Variants in SYT1 observed in about 807,000 individuals in gnomAD.
SYT1 encodes synaptotagmin-1.
SYT1 carries 8 observed loss-of-function variants against 44.8 expected under a neutral mutation model. The ratio of observed to expected loss-of-function variants is 0.18; its 90% CI spans 0.10 to 0.32. SYT1 has a LOEUF of 0.32. Among genes scored for constraint, SYT1 ranks in the 10% least tolerant of loss-of-function variants. SYT1 has a pLI of 1.00. For missense variants in SYT1, 286 were observed against 509.3 expected (o/e 0.56, Z 4.22); for synonymous variants, 154 against 188.8 (o/e 0.82, Z 1.51).
At chr12:79,064,967 A>AGAAAGAAAGAAG (rs1875697279) in intron 3 of SYT1, among the ~76,000 whole-genome samples, 4 of 150,950 alleles carry the variant, frequency 2.6e-5, no homozygotes, top group East Asian at 1.9e-4. Context: ...AAAGAAAGAA[A>AGAAAGAAAGAAG]GAAAGAAAGA....
At chr12:78,947,906 A>G (rs182696701) in intron 1 of SYT1, among the ~76,000 whole-genome samples, 1 of 152,042 alleles carries the variant, frequency 6.6e-6, no homozygotes, top group East Asian at 1.9e-4. Context: ...TTTAATAAAT[A>G]TTTTATTTTA....
chr12:78,907,925 C>A (rs1469495004), intron 1 of SYT1, among the ~76,000 whole-genome samples: 1 of 151,888 alleles, frequency 6.6e-6, no homozygotes, highest in Admixed American at 6.6e-5. Flanking sequence ...AATTTAATTA[C>A]CTCTCAGGTA....
At chr12:79,043,703 T>A (rs1193772015) in intron 2 of SYT1, among the ~76,000 whole-genome samples, 1 of 152,202 alleles carries the variant, frequency 6.6e-6, no homozygotes, top group African/African-American at 2.4e-5. Context: ...GGTTAGTCGA[T>A]GCAGTTTCTT....
At chr12:78,911,008 G>T (rs1017769869) in intron 1 of SYT1, among the ~76,000 whole-genome samples, 2 of 151,978 alleles carry the variant, frequency 1.3e-5, no homozygotes, top group African/African-American at 4.8e-5. Flanking sequence ...TTTAGATTAT[G>T]GTGAGATTTT....
rs73355508 is a variant in SYT1, at chr12:79,098,567, G to A, written c.-18+51205G>A. Among the ~76,000 whole-genome samples the A allele has an allele frequency of 9.3e-3, 1,422 of 152,174 alleles. 27 individuals carry two copies. The highest frequency in any genetic ancestry group is 0.033 in the African/African-American group (1,354 of 41,538). On this transcript the variant is annotated intron_variant, in intron 3 of 10. Transcript: ENST00000261205. The stretch of plus-strand genomic sequence containing the variant: ...TGTGGTTTCAATTAAATATATTAAA[G>A]TAGTTCTCAAAACAGTTATTTTACA...
intron 9 of SYT1, among the ~76,000 whole-genome samples, chr12:79,377,589 C>T (rs1206699575): frequency 1.3e-5 from 2 of 152,124 alleles, no homozygotes; most frequent in African/African-American, 4.8e-5. Flanking sequence ...TTCTGTTATC[C>T]TTCTGCTTTC....
rs745632757 is a variant in SYT1 at position 79,296,222 on chromosome 12, C to A, written c.628C>A (p.Gln210Lys). The change falls in exon 7 of 11, where the codon CAA becomes AAA. Residue 210 changes from glutamine (Q) to lysine (K), a missense_variant. Physicochemically the swap from Gln to Lys is moderately conservative, Grantham distance 53. Around this residue, in one of 6 missense-constraint regions of SYT1, gnomAD observed 81 missense variants for 164.9 expected, o/e 0.49. Transcript: ENST00000261205. ...AACCCTTAATCCTGTCTTCAATGAG[C>A]AATTTACTTTCAAGGTATTTGTTAA... is the stretch of plus-strand genomic sequence containing the variant. Reference protein sequence around the residue: ...RKTLNPVFNEQFTFKVPYSEL... With the variant: ...RKTLNPVFNEKFTFKVPYSEL... The A allele has an allele frequency of 3.1e-6, 5 of 1,611,636 alleles. No homozygotes were observed. Among genetic ancestry groups the A allele is most frequent in the Non-Finnish European group, 4.2e-6 (5 of 1,179,214 alleles).
At chr12:79,347,026 G>T (rs1278672152) in intron 8 of SYT1, among the ~76,000 whole-genome samples, 8 of 149,516 alleles carry the variant, frequency 5.4e-5, no homozygotes, top group Non-Finnish European at 1.0e-4. Context: ...TTGTTTGTTT[G>T]TGTGTTTGTT....
chr12:78,900,074 T>C (rs936679822), intron 1 of SYT1, among the ~76,000 whole-genome samples: 1 of 152,054 alleles, frequency 6.6e-6, no homozygotes, highest in African/African-American at 2.4e-5. Flanking sequence ...ATCAAATAAA[T>C]GGTCATTGAA....
intron 10 of SYT1, among the ~76,000 whole-genome samples, chr12:79,445,815 A>T (rs1394071347): frequency 4.0e-5 from 6 of 149,742 alleles, no homozygotes; most frequent in South Asian, 2.1e-4. Flanking sequence ...ACAGTATCTT[A>T]TGAATTAATC....
intron 1 of SYT1, among the ~76,000 whole-genome samples, chr12:78,968,668 A>G (rs1868304426): frequency 6.6e-6 from 1 of 152,186 alleles, no homozygotes; most frequent in South Asian, 2.1e-4. Context: ...ACACTTCCCA[A>G]TCTGGGGCAT....
chr12:79,098,272 G>A (rs758274755), intron 3 of SYT1, among the ~76,000 whole-genome samples: 1 of 151,976 alleles, frequency 6.6e-6, no homozygotes, highest in Non-Finnish European at 1.5e-5. Context: ...ATCTCCAAAT[G>A]AGCTGGGGAG....
At chr12:79,236,039 A>G (rs1306666612) in intron 4 of SYT1, among the ~76,000 whole-genome samples, 1 of 152,050 alleles carries the variant, frequency 6.6e-6, no homozygotes, top group East Asian at 1.9e-4. Context: ...AGCAAGTCAT[A>G]TTTCCTAATT....
chr12:79,054,786 C>A, intron 3 of SYT1, among the ~76,000 whole-genome samples: 1 of 151,920 alleles, frequency 6.6e-6, no homozygotes, highest in East Asian at 1.9e-4. Context: ...GTTATATTGA[C>A]TATAAGTCAT....
At chr12:78,965,095 T>G (rs189116702) in intron 1 of SYT1, among the ~76,000 whole-genome samples, 106 of 152,286 alleles carry the variant, frequency 7.0e-4, no homozygotes, top group African/African-American at 2.5e-3. Flanking sequence ...TAATCTTATT[T>G]CTAAGCTTTG....
At chr12:79,003,217 T>C (rs984959240) in intron 2 of SYT1, among the ~76,000 whole-genome samples, 6 of 152,138 alleles carry the variant, frequency 3.9e-5, no homozygotes, top group Non-Finnish European at 5.9e-5. Flanking sequence ...ATCCAGTGAT[T>C]GGTATCTAGA....
chr12:79,071,893 C>T lies in SYT1; in HGVS notation c.-18+24531C>T, dbSNP rs540287500. Among the ~76,000 whole-genome samples, 317 of 152,182 alleles carry T rather than the reference C, an allele frequency of 2.1e-3. 9 individuals are homozygous for T. In the South Asian group the frequency reaches 0.062, roughly 30 times the overall value. On this transcript the variant is annotated intron_variant, in intron 3 of 10. Transcript: ENST00000261205. ...CCACATAAAGTCATATTCATAGATA[C>T]CGGGGATTAGGACTTCAACATATCT...
chr12:79,321,470 T>C (rs1263731464), intron 8 of SYT1, among the ~76,000 whole-genome samples: 1 of 152,204 alleles, frequency 6.6e-6, no homozygotes, highest in East Asian at 1.9e-4. Context: ...AGGGATAACT[T>C]TAAAAGGTGC....
intron 4 of SYT1, among the ~76,000 whole-genome samples, chr12:79,227,187 G>A (rs995256002): frequency 2.0e-5 from 3 of 152,036 alleles, no homozygotes; most frequent in Non-Finnish European, 2.9e-5. Flanking sequence ...CAAATTGCCT[G>A]ATGATATCAT....
Sources: allele counts gnomAD v4.1 joint callset (sites outside exome capture counted in the v4.1 genomes callset), GRCh38; gene constraint gnomAD v4.1.1; regional missense constraint gnomAD v4.1.1; transcripts MANE v1.5; gene names NCBI Gene and HGNC (gene_info 2026-07-23, HGNC 2026-07-21).